Variants in ANO3 observed in about 807,000 individuals in gnomAD.
ANO3 encodes anoctamin 3.
A neutral mutation model predicts 144.8 loss-of-function variants in ANO3; 99 were observed. That is an observed-to-expected ratio of 0.68 (90% CI 0.58 to 0.81). The LOEUF (loss-of-function observed/expected upper bound fraction) is 0.81, where lower values mean the gene tolerates loss of function less well. ANO3 is among the 30% of genes least tolerant of loss of function. The pLI, the probability that ANO3 is intolerant of heterozygous loss-of-function variation, is 0.00. For synonymous variants in ANO3, 414 were observed against 392.6 expected (o/e 1.05, Z -0.64); for missense variants, 905 against 1,202.2 (o/e 0.75, Z 3.66).
intron 14 of ANO3, among the ~76,000 whole-genome samples, chr11:26,597,053 A>G (rs1851651830): frequency 6.6e-6 from 1 of 152,146 alleles, no homozygotes; most frequent in African/African-American, 2.4e-5. Context: ...GTGCCCGGTT[A>G]TTTTCCTCCA....
intron 14 of ANO3, among the ~76,000 whole-genome samples, chr11:26,581,308 T>C (rs1362508807): frequency 8.3e-5 from 2 of 24,070 alleles, no homozygotes; most frequent in African/African-American, 2.3e-4. Flanking sequence ...TGCAATTCCC[T>C]TTTTTTTTTT....
At chr11:26,557,728 A>G (rs1850130611) in intron 13 of ANO3, among the ~76,000 whole-genome samples, 1 of 152,110 alleles carries the variant, frequency 6.6e-6, no homozygotes, top group South Asian at 2.1e-4. Context: ...ATCACCCATG[A>G]TCTAAGCTTG....
intron 4 of ANO3, among the ~76,000 whole-genome samples, chr11:26,490,586 T>G (rs375293845): frequency 2.6e-5 from 4 of 152,304 alleles, no homozygotes; most frequent in African/African-American, 9.6e-5. Flanking sequence ...CATTAAGATA[T>G]TCCACGTATC....
chr11:26,578,644 T>C (rs1472232437), intron 14 of ANO3, among the ~76,000 whole-genome samples: 11 of 152,124 alleles, frequency 7.2e-5, no homozygotes, highest in Admixed American at 6.6e-4. Flanking sequence ...AAGTAACTGA[T>C]AGGAACAGGG....
chr11:26,258,496 C>T (rs907105934), intron 1 of ANO3, among the ~76,000 whole-genome samples: 2 of 152,166 alleles, frequency 1.3e-5, no homozygotes, highest in African/African-American at 4.8e-5. Context: ...ATCTTGAGGT[C>T]TAACTGGAAG....
chr11:26,335,600 A>C (rs928167683), intron 1 of ANO3, among the ~76,000 whole-genome samples: 4 of 152,152 alleles, frequency 2.6e-5, no homozygotes, highest in Admixed American at 2.0e-4. Flanking sequence ...TTAACTTTAT[A>C]ATCTAAAATG....
At chr11:26,546,143 A>G (rs996062929) in intron 11 of ANO3, among the ~76,000 whole-genome samples, 1 of 151,868 alleles carries the variant, frequency 6.6e-6, no homozygotes, top group African/African-American at 2.4e-5. Context: ...GCTCCACCCC[A>G]CAGAGGAACA....
At chr11:26,428,977 C>G (rs956333537) in intron 1 of ANO3, among the ~76,000 whole-genome samples, 2 of 152,188 alleles carry the variant, frequency 1.3e-5, no homozygotes. Flanking sequence ...TCCTCTCCCC[C>G]ATTATCAGAG....
At chr11:26,654,110 AT>A (rs1228702326) in intron 24 of ANO3, among the ~76,000 whole-genome samples, 1 of 152,126 alleles carries the variant, frequency 6.6e-6, no homozygotes, top group Non-Finnish European at 1.5e-5. Context: ...TCTTCTGTAC[AT>A]TTTCTTCTTC....
intron 1 of ANO3, among the ~76,000 whole-genome samples, chr11:26,229,568 CA>C (rs1852344536): frequency 6.6e-6 from 1 of 152,148 alleles, no homozygotes; most frequent in African/African-American, 2.4e-5. Context: ...TTTCATATCT[CA>C]GTGTGCATAT....
chr11:26,368,081 A>T (rs1409897180), intron 1 of ANO3, among the ~76,000 whole-genome samples: 2 of 152,222 alleles, frequency 1.3e-5, no homozygotes, highest in African/African-American at 2.4e-5. Flanking sequence ...CCCTATGCAT[A>T]CCTGAAAGGT....
At chr11:26,556,542 C>T (rs925864326) in intron 13 of ANO3, among the ~76,000 whole-genome samples, 6 of 152,056 alleles carry the variant, frequency 3.9e-5, no homozygotes, top group African/African-American at 7.2e-5. Flanking sequence ...TTCTGGACCC[C>T]GTATCCTGAA....
chr11:26,633,755 A>T (rs1419896773), intron 18 of ANO3, among the ~76,000 whole-genome samples: 1 of 152,192 alleles, frequency 6.6e-6, no homozygotes, highest in Non-Finnish European at 1.5e-5. Flanking sequence ...AGATGCTAGA[A>T]ATCAGCAAAA....
At chr11:26,405,579 C>T (rs908803328) in intron 1 of ANO3, among the ~76,000 whole-genome samples, 1 of 151,854 alleles carries the variant, frequency 6.6e-6, no homozygotes, top group African/African-American at 2.4e-5. Flanking sequence ...TGGCTACCCT[C>T]TATAAATGTC....
intron 1 of ANO3, among the ~76,000 whole-genome samples, chr11:26,219,327 G>A (rs1852096552): frequency 6.6e-6 from 1 of 152,124 alleles, no homozygotes; most frequent in South Asian, 2.1e-4. Context: ...AGAAACTTGG[G>A]AAGAACTTCA....
At chr11:26,649,441 A>G (rs1477129227) in intron 24 of ANO3, among the ~76,000 whole-genome samples, 4 of 152,204 alleles carry the variant, frequency 2.6e-5, no homozygotes, top group Non-Finnish European at 4.4e-5. Flanking sequence ...TAGTTGGTTC[A>G]TAATAAGAAA....
intron 14 of ANO3, chr11:26,563,395 C>G (rs61877024): frequency 0.075 from 40,538 of 539,518 alleles, 1,833 homozygotes; most frequent in South Asian, 0.14. Context: ...GTTTCTCTCT[C>G]TGTGTGTGTG....
chr11:26,498,813 A>G (rs1861073713), intron 4 of ANO3, among the ~76,000 whole-genome samples: 1 of 151,776 alleles, frequency 6.6e-6, no homozygotes, highest in South Asian at 2.1e-4. Flanking sequence ...CTTTTACTGT[A>G]TAAGTTATAT....
At chr11:26,567,817 T>C (rs188179026) in intron 14 of ANO3, among the ~76,000 whole-genome samples, 1 of 151,976 alleles carries the variant, frequency 6.6e-6, no homozygotes, top group African/African-American at 2.4e-5. Context: ...TATATTCAGA[T>C]AGTGAAAATT....
Sources: gnomAD v4.1 joint callset for allele counts (sites outside exome capture counted in the v4.1 genomes callset) on GRCh38, gnomAD v4.1.1 for gene constraint, MANE v1.5 for transcripts, NCBI Gene and HGNC (gene_info 2026-07-23, HGNC 2026-07-21) for gene names.